Variants in GALNTL6 observed in about 807,000 individuals in gnomAD.
GALNTL6 encodes the protein polypeptide N-acetylgalactosaminyltransferase like 6.
Under a neutral mutation model 73.7 loss-of-function variants are expected in GALNTL6, and 46 were observed. The ratio of observed to expected loss-of-function variants is 0.62; its 90% CI spans 0.49 to 0.80. The LOEUF is 0.80. Among genes scored for constraint, GALNTL6 ranks in the 30% least tolerant of loss-of-function variants. The pLI is 0.00. For missense variants in GALNTL6, 604 were observed against 755.0 expected (o/e 0.80, Z 2.34); for synonymous variants, 259 against 263.7 (o/e 0.98, Z 0.17).
chr4:172,870,792 GATT>G (rs943960740), intron 7 of GALNTL6, among the ~76,000 whole-genome samples: 3 of 152,160 alleles, frequency 2.0e-5, no homozygotes, highest in Non-Finnish European at 4.4e-5. Context: ...TTCATTTCAG[GATT>G]ATTAGAGAAA....
chr4:172,103,788 T>C (rs1315913662), intron 2 of GALNTL6, among the ~76,000 whole-genome samples: 1 of 152,216 alleles, frequency 6.6e-6, no homozygotes, highest in Non-Finnish European at 1.5e-5. Context: ...TGATCTGACC[T>C]GGAGTCTCAT....
At chr4:172,966,816 T>C (rs1036408985) in intron 10 of GALNTL6, among the ~76,000 whole-genome samples, 2 of 152,252 alleles carry the variant, frequency 1.3e-5, no homozygotes, top group African/African-American at 4.8e-5. Flanking sequence ...CCTTGAAATG[T>C]AGTGAGCCGC....
intron 5 of GALNTL6, among the ~76,000 whole-genome samples, chr4:172,423,994 G>A (rs766559060): frequency 6.6e-6 from 1 of 151,968 alleles, no homozygotes; most frequent in Non-Finnish European, 1.5e-5. Context: ...TACAATTAAT[G>A]TACAAAAACT....
chr4:172,134,909 T>C (rs1465877675), intron 2 of GALNTL6, among the ~76,000 whole-genome samples: 4 of 152,210 alleles, frequency 2.6e-5, no homozygotes, highest in African/African-American at 9.6e-5. Flanking sequence ...AATGGCATGT[T>C]GGTAGATCAC....
At chr4:172,639,861 C>T (rs1427159368) in intron 5 of GALNTL6, among the ~76,000 whole-genome samples, 1 of 152,084 alleles carries the variant, frequency 6.6e-6, no homozygotes, top group Non-Finnish European at 1.5e-5. Flanking sequence ...TTTTCATCTA[C>T]TCAAGCACAT....
chr4:172,380,327 A>C, intron 5 of GALNTL6: 1 of 726,656 alleles, frequency 1.4e-6, no homozygotes, highest in South Asian at 1.3e-5. Flanking sequence ...AAATAGTCCA[A>C]GTTTAAAAGT....
At chr4:172,826,148 G>A (rs1742254269) in intron 7 of GALNTL6, among the ~76,000 whole-genome samples, 1 of 152,000 alleles carries the variant, frequency 6.6e-6, no homozygotes, top group African/African-American at 2.4e-5. Flanking sequence ...GGACAAGAGT[G>A]CAAATGAAGG....
In GALNTL6 at chr4:171,986,417, G is replaced by A. The variant is rs373327098; in HGVS notation, c.138+171699G>A. Among the ~76,000 whole-genome samples the A allele has an allele frequency of 1.1e-4, 17 of 152,264 alleles. No individual in the cohort carries two copies. The South Asian group carries it at 2.1e-3, about 19-fold the overall frequency. On this transcript the variant is annotated intron_variant, in intron 2 of 12. Coordinates refer to ENST00000506823, the MANE Select transcript of GALNTL6 (RefSeq NM_001034845.3). ...GAACCCGCCATCTGGATGTGTACGTGCAGGTCACAGGGGATATGATGGCTT... is the reference window on the plus strand; with the variant it reads ...GAACCCGCCATCTGGATGTGTACGTACAGGTCACAGGGGATATGATGGCTT...
At chr4:171,831,061 T>C (rs1734956831) in intron 2 of GALNTL6, among the ~76,000 whole-genome samples, 1 of 152,088 alleles carries the variant, frequency 6.6e-6, no homozygotes, top group Admixed American at 6.6e-5. Context: ...ATTTTGGGAA[T>C]ATAGACTGAT....
At position 172,207,493 on chromosome 4, in the gene GALNTL6, T is replaced by A. The variant is rs79646807; in HGVS notation, c.139-22163T>A. ...AAAAGTTATGTTTTGACACGTTAAGTTTCAGTCACTATTTGGGAAGCCTTT... is the reference window on the plus strand; with the variant it reads ...AAAAGTTATGTTTTGACACGTTAAGATTCAGTCACTATTTGGGAAGCCTTT... On this transcript the variant is annotated intron_variant, in intron 2 of 12. Coordinates refer to ENST00000506823, the MANE Select transcript of GALNTL6 (RefSeq NM_001034845.3). 5.4e-3 allele frequency among the ~76,000 whole-genome samples: 826 copies of A among 152,272 alleles called. 4 individuals are homozygous for A. The highest frequency in any genetic ancestry group is 7.2e-3 in the Non-Finnish European group (491 of 68,016).
intron 5 of GALNTL6, among the ~76,000 whole-genome samples, chr4:172,361,765 C>A (rs1211994005): frequency 6.6e-6 from 1 of 152,132 alleles, no homozygotes; most frequent in Non-Finnish European, 1.5e-5. Context: ...ACACAATTTA[C>A]AGGACTCCCT....
chr4:171,905,201 A>G (rs1737237524), intron 2 of GALNTL6, among the ~76,000 whole-genome samples: 2 of 151,886 alleles, frequency 1.3e-5, no homozygotes, highest in South Asian at 2.1e-4. Context: ...CAGACTGGCA[A>G]ATTGGATAAA....
chr4:172,109,430 C>T (rs1732790262), intron 2 of GALNTL6, among the ~76,000 whole-genome samples: 1 of 152,098 alleles, frequency 6.6e-6, no homozygotes, highest in South Asian at 2.1e-4. Flanking sequence ...ATGATGAAGC[C>T]TTTTCAACAG....
At chr4:171,971,194 A>G (rs3102832) in intron 2 of GALNTL6, among the ~76,000 whole-genome samples, 149,226 of 152,298 alleles carry the variant, frequency 0.98, 73,186 homozygotes, top group Middle Eastern at 1. Context: ...AGAAAAAATG[A>G]AAATGCCATA....
chr4:172,630,047 G>T (rs1015500449), intron 5 of GALNTL6, among the ~76,000 whole-genome samples: 1 of 152,086 alleles, frequency 6.6e-6, no homozygotes, highest in African/African-American at 2.4e-5. Flanking sequence ...TTATGATGCT[G>T]GGAAATCCTC....
rs34044056 is a variant in GALNTL6 at position 172,773,978 on chromosome 4, GAA to G, written c.554-35374_554-35373del. ...GTGATAGTTTAAAAGAGACTTAAGGGAAAAAAAAAAGAGGCCTGAACACTTTA... is the reference window on the plus strand; with the variant it reads ...GTGATAGTTTAAAAGAGACTTAAGGGAAAAAAAAGAGGCCTGAACACTTTA... On this transcript the variant is annotated intron_variant, in intron 5 of 12. Coordinates refer to ENST00000506823, the MANE Select transcript of GALNTL6 (RefSeq NM_001034845.3). Among the ~76,000 whole-genome samples, 3 of 150,052 alleles carry G rather than the reference GAA, an allele frequency of 2.0e-5. No individual in the cohort carries two copies. In the South Asian group the frequency reaches 6.3e-4, roughly 31 times the overall value.
intron 2 of GALNTL6, among the ~76,000 whole-genome samples, chr4:172,169,979 T>C (rs1414095542): frequency 6.6e-6 from 1 of 152,088 alleles, no homozygotes; most frequent in African/African-American, 2.4e-5. Flanking sequence ...AAACTGAGAG[T>C]TGGAGTTGAT....
rs553923647 is a variant in GALNTL6 at position 172,059,511 on chromosome 4, A to G, written c.139-170145A>G. ...TGACTTGAAAGGGAAGAAAGAGTTT[A>G]ATAACTTGAACCGTTGTCTAATATA... On this transcript the variant is annotated intron_variant, in intron 2 of 12. Transcript: ENST00000506823. 2.6e-5 allele frequency among the ~76,000 whole-genome samples: 4 copies of G among 152,328 alleles called. No homozygotes were observed. In the East Asian group the frequency reaches 7.7e-4, roughly 29 times the overall value.
At chr4:172,348,309 A>C (rs1741824142) in intron 4 of GALNTL6, among the ~76,000 whole-genome samples, 1 of 152,230 alleles carries the variant, frequency 6.6e-6, no homozygotes, top group Admixed American at 6.5e-5. Flanking sequence ...CCAGAGGATA[A>C]AACAGTTGTT....
Sources: allele counts gnomAD v4.1 joint callset (sites outside exome capture counted in the v4.1 genomes callset), GRCh38; gene constraint gnomAD v4.1.1; transcripts MANE v1.5; gene names NCBI Gene and HGNC (gene_info 2026-07-23, HGNC 2026-07-21).